The following EYA4 variants were observed in gnomAD, a reference collection of about 807,000 sequenced individuals.
EYA4 encodes EYA transcriptional coactivator and phosphatase 4, also known as protein phosphatase EYA4.
Under a neutral mutation model 87.9 loss-of-function variants are expected in EYA4, and 31 were observed. The observed-to-expected ratio is 0.35, with a 90% CI of 0.27 to 0.48. EYA4 has a LOEUF of 0.48. EYA4 is among the 20% of genes least tolerant of loss of function. The pLI is 0.99. For synonymous variants in EYA4, 263 were observed against 270.6 expected, an observed-to-expected ratio of 0.97 and a Z score of 0.28; for missense variants, 678 against 761.4, an observed-to-expected ratio of 0.89 and a Z score of 1.29.
chr6:133,246,218 A>G (rs1488932723), intron 1 of EYA4, among the ~76,000 whole-genome samples: 1 of 152,172 alleles, frequency 6.6e-6, no homozygotes, highest in Non-Finnish European at 1.5e-5. Flanking sequence ...GAAACCTTTC[A>G]GAGTTGGTCT....
chr6:133,241,064 G>A (rs1773902577), upstream of EYA4, among the ~76,000 whole-genome samples: 1 of 152,142 alleles, frequency 6.6e-6, no homozygotes, highest in Non-Finnish European at 1.5e-5. Context: ...GCGGCGCGGA[G>A]GGCACGGAGA....
chr6:133,435,175 C>G (rs922376980), intron 3 of EYA4: 1 of 152,170 alleles, frequency 6.6e-6, no homozygotes, highest in African/African-American at 2.4e-5. Context: ...GGAAGAGTTG[C>G]AGGTCTCAAG....
At chr6:133,246,075 T>C (rs1774383552) in intron 1 of EYA4, among the ~76,000 whole-genome samples, 1 of 152,194 alleles carries the variant, frequency 6.6e-6, no homozygotes, top group South Asian at 2.1e-4. Flanking sequence ...TTTTGTGTTA[T>C]CAAAACCACA....
intron 13 of EYA4, among the ~76,000 whole-genome samples, chr6:133,501,550 C>T (rs921026982): frequency 8.6e-5 from 13 of 152,040 alleles, no homozygotes; most frequent in African/African-American, 3.1e-4. Context: ...GACTGAATTT[C>T]ATTTTATCTC....
intron 2 of EYA4, among the ~76,000 whole-genome samples, chr6:133,340,086 C>T (rs115085653): frequency 4.9e-4 from 74 of 152,182 alleles, no homozygotes; most frequent in African/African-American, 1.5e-3. Flanking sequence ...GGGGAAGTTA[C>T]GTCACACTAT....
chr6:133,283,756 T>C (rs775919988), intron 2 of EYA4, among the ~76,000 whole-genome samples: 6 of 152,282 alleles, frequency 3.9e-5, no homozygotes, highest in Non-Finnish European at 8.8e-5. Flanking sequence ...AGTCTGGGCT[T>C]TCAGTGTAAC....
At chr6:133,518,495 G>T (rs1799802548) in intron 17 of EYA4, among the ~76,000 whole-genome samples, 1 of 152,142 alleles carries the variant, frequency 6.6e-6, no homozygotes, top group Non-Finnish European at 1.5e-5. Context: ...TTCACAAAAT[G>T]CCTGGAATGT....
rs192521613 is a variant in EYA4, at chr6:133,350,930, C to T, written c.34-31462C>T. On this transcript the variant is annotated intron_variant, in intron 2 of 19. Coordinates refer to ENST00000355286, the MANE Select transcript of EYA4 (RefSeq NM_004100.5). Reference sequence around the variant, plus strand: ...ATCAATTATCAATTCATATCAATTTCTTCAGATTATATTATCTCTGTTATT... The same window carrying T: ...ATCAATTATCAATTCATATCAATTTTTTCAGATTATATTATCTCTGTTATT... Among the ~76,000 whole-genome samples the T allele has an allele frequency of 1.3e-4, 20 of 151,870 alleles. No homozygotes were observed. The East Asian group carries it at 3.9e-3, about 29-fold the overall frequency.
At position 133,498,116 on chromosome 6, in the gene EYA4, G is replaced by A. The variant is rs111863915; in HGVS notation, c.1192-7990G>A. Reference sequence around the variant, plus strand: ...TAGGCTAGTCATGAAGATAAATGCTGATGTTTGTGCATTTGGACTAAAGAA... The same window carrying A: ...TAGGCTAGTCATGAAGATAAATGCTAATGTTTGTGCATTTGGACTAAAGAA... On this transcript the variant is annotated intron_variant, in intron 13 of 19. Coordinates refer to ENST00000355286, the MANE Select transcript of EYA4 (RefSeq NM_004100.5). 1.5e-3 allele frequency among the ~76,000 whole-genome samples: 233 copies of A among 152,312 alleles called. 1 individual carries two copies. The highest frequency in any genetic ancestry group is 5.1e-3 in the African/African-American group (213 of 41,578).
chr6:133,383,057 G>A (rs1181816243), intron 3 of EYA4, among the ~76,000 whole-genome samples: 1 of 152,094 alleles, frequency 6.6e-6, no homozygotes, highest in African/African-American at 2.4e-5. Context: ...CAAAGTCCAG[G>A]CTGCAATTTT....
intron 1 of EYA4, among the ~76,000 whole-genome samples, chr6:133,264,352 G>A (rs554865061): frequency 6.6e-6 from 1 of 152,176 alleles, no homozygotes; most frequent in Non-Finnish European, 1.5e-5. Context: ...CTGAGGACAG[G>A]GTAAAGCTCT....
intron 1 of EYA4, among the ~76,000 whole-genome samples, chr6:133,265,844 T>C (rs988417147): frequency 6.6e-6 from 1 of 152,252 alleles, no homozygotes; most frequent in Admixed American, 6.5e-5. Flanking sequence ...TAGTTTTGGC[T>C]TAATTCTCTT....
At chr6:133,499,782 C>T (rs189937080) in intron 13 of EYA4, among the ~76,000 whole-genome samples, 266 of 152,162 alleles carry the variant, frequency 1.7e-3, no homozygotes, top group Non-Finnish European at 3.0e-3. Context: ...CACTCTTCCT[C>T]ATAAGCAACT....
intron 2 of EYA4, among the ~76,000 whole-genome samples, chr6:133,310,325 A>G (rs1780125392): frequency 6.6e-6 from 1 of 152,130 alleles, no homozygotes; most frequent in African/African-American, 2.4e-5. Context: ...TATCTATATG[A>G]TTATTTTGGA....
intron 2 of EYA4, among the ~76,000 whole-genome samples, chr6:133,311,683 G>C (rs1285559988): frequency 6.6e-6 from 1 of 152,056 alleles, no homozygotes. Context: ...CTCCCTGTTG[G>C]ACTCTAAAAA....
Position 133,254,787 on chromosome 6 carries a change from C to T in EYA4, c.-66+13038C>T, listed in dbSNP as rs527669855. On this transcript the variant is annotated intron_variant, in intron 1 of 19. Transcript: ENST00000355286. ...GATCTAGCCTAACCCTTCCATTTTG[C>T]AGATGAGATGTTGTATTATGTGACC... Among the ~76,000 whole-genome samples, 35 of 152,242 alleles carry T rather than the reference C, an allele frequency of 2.3e-4. No homozygotes were observed. The South Asian group carries it at 7.0e-3, about 31-fold the overall frequency.
intron 1 of EYA4, among the ~76,000 whole-genome samples, chr6:133,260,033 A>T (rs1000059224): frequency 2.6e-5 from 4 of 152,168 alleles, no homozygotes; most frequent in African/African-American, 4.8e-5. Context: ...ATATATTTTT[A>T]AAAACATTTT....
At chr6:133,348,971 A>T (rs1783428143) in intron 2 of EYA4, among the ~76,000 whole-genome samples, 1 of 152,032 alleles carries the variant, frequency 6.6e-6, no homozygotes, top group Non-Finnish European at 1.5e-5. Context: ...CTCTACACAA[A>T]CAGGCCCTTA....
At chr6:133,241,914 G>T (rs540256810) in intron 1 of EYA4, among the ~76,000 whole-genome samples, 165 bp downstream of exon 1, 1 of 152,190 alleles carries the variant, frequency 6.6e-6, no homozygotes, top group South Asian at 2.1e-4. Context: ...TGCGTCCCCG[G>T]GGGGCGCTTG....
Sources: gnomAD v4.1 joint callset for allele counts (sites outside exome capture counted in the v4.1 genomes callset) on GRCh38, gnomAD v4.1.1 for gene constraint, MANE v1.5 for transcripts, NCBI Gene and HGNC (gene_info 2026-07-23, HGNC 2026-07-21) for gene names.